BMPR1A: variants seen among roughly 807,000 people sequenced by gnomAD.
BMPR1A encodes bone morphogenetic protein receptor type 1A.
Under a neutral mutation model 66.0 loss-of-function variants are expected in BMPR1A, and 7 were observed. The ratio of observed to expected loss-of-function variants is 0.11; its 90% CI spans 0.06 to 0.20. BMPR1A has a LOEUF of 0.20. BMPR1A is among the 10% of genes least tolerant of loss of function. The pLI, the probability that BMPR1A is intolerant of heterozygous loss-of-function variation, is 1.00. For missense variants in BMPR1A, 408 were observed against 669.1 expected (o/e 0.61, Z 4.31); for synonymous variants, 200 against 229.7 (o/e 0.87, Z 1.17).
chr10:86,842,193 G>T (rs1842433442), intron 2 of BMPR1A, among the ~76,000 whole-genome samples: 1 of 152,148 alleles, frequency 6.6e-6, no homozygotes, highest in Admixed American at 6.5e-5. Flanking sequence ...CTCCAGGTGG[G>T]TAGTGTCGGA....
intron 1 of BMPR1A, among the ~76,000 whole-genome samples, chr10:86,762,590 C>T (rs1841086468): frequency 6.6e-6 from 1 of 152,194 alleles, no homozygotes; most frequent in Non-Finnish European, 1.5e-5. Flanking sequence ...AACTCCTGAC[C>T]TCAGGTGATC....
At chr10:86,846,765 G>T (rs570429496) in intron 2 of BMPR1A, among the ~76,000 whole-genome samples, 1 of 152,190 alleles carries the variant, frequency 6.6e-6, no homozygotes, top group East Asian at 1.9e-4. Flanking sequence ...GAGAAACCTA[G>T]AACTCCTGGT....
intron 2 of BMPR1A, among the ~76,000 whole-genome samples, chr10:86,870,054 A>C (rs1420892873): frequency 6.6e-6 from 1 of 152,198 alleles, no homozygotes; most frequent in African/African-American, 2.4e-5. Context: ...TGAATACCAC[A>C]TCAGTGTATG....
At chr10:86,827,971 G>T (rs771682827) in intron 1 of BMPR1A, among the ~76,000 whole-genome samples, 1 of 152,158 alleles carries the variant, frequency 6.6e-6, no homozygotes, top group African/African-American at 2.4e-5. Flanking sequence ...GGCCAATATG[G>T]TGAAACCGCA....
At chr10:86,890,702 G>A (rs1843135999) in intron 4 of BMPR1A, among the ~76,000 whole-genome samples, 1 of 151,958 alleles carries the variant, frequency 6.6e-6, no homozygotes, top group Admixed American at 6.6e-5. Context: ...CCAAAGTGCT[G>A]GGATTACTAG....
chr10:86,906,116 A>G (rs1843383045), intron 7 of BMPR1A, among the ~76,000 whole-genome samples: 1 of 152,068 alleles, frequency 6.6e-6, no homozygotes, highest in South Asian at 2.1e-4. Flanking sequence ...TCATTTTCCC[A>G]AGGTATTTTC....
intron 1 of BMPR1A, among the ~76,000 whole-genome samples, chr10:86,759,949 G>T (rs896344694): frequency 1.3e-5 from 2 of 151,430 alleles, no homozygotes; most frequent in East Asian, 3.9e-4. Flanking sequence ...TGGCTTTCAC[G>T]TAGTTCTCCC....
chr10:86,785,678 G>A (rs1047465832), intron 1 of BMPR1A, among the ~76,000 whole-genome samples: 2 of 152,144 alleles, frequency 1.3e-5, no homozygotes, highest in Admixed American at 6.6e-5. Context: ...TCATTGATCC[G>A]CTCTCCGGTG....
At chr10:86,844,663 TTTATAA>T (rs1299379559) in intron 2 of BMPR1A, among the ~76,000 whole-genome samples, 2 of 152,250 alleles carry the variant, frequency 1.3e-5, no homozygotes, top group African/African-American at 4.8e-5. Flanking sequence ...CACTAATTGT[TTTATAA>T]TTATAATTAT....
intron 2 of BMPR1A, among the ~76,000 whole-genome samples, chr10:86,853,790 G>A (rs746408356): frequency 6.6e-6 from 1 of 152,162 alleles, no homozygotes; most frequent in Non-Finnish European, 1.5e-5. Context: ...CAGAGATCAC[G>A]TGCTTCACAA....
At chr10:86,887,620 T>G (rs954147741) in intron 3 of BMPR1A, among the ~76,000 whole-genome samples, 3 of 152,216 alleles carry the variant, frequency 2.0e-5, no homozygotes, top group African/African-American at 7.2e-5. Context: ...AACTGCGACT[T>G]GAACCCTTCA....
At position 86,824,105 on chromosome 10, in the gene BMPR1A, G is replaced by GTGTGTGTGTGTT. The variant is rs150991310; in HGVS notation, c.-267-14753_-267-14752insGTGTTTGTGTGT. ...GTTGTGTGTGTGTGTGTGTGTGTGT[G>GTGTGTGTGTGTT]TGTGTGTTTCTTTCAGTCTCACTTG... On this transcript the variant is annotated intron_variant, in intron 1 of 12. Transcript: ENST00000372037. Among the ~76,000 whole-genome samples, 485 of 147,382 alleles carry GTGTGTGTGTGTT rather than the reference G, an allele frequency of 3.3e-3. 1 individual carries two copies. Among genetic ancestry groups the GTGTGTGTGTGTT allele is most frequent in the African/African-American group, 0.01 (423 of 40,558 alleles).
At chr10:86,772,763 T>TA (rs1209704195) in intron 1 of BMPR1A, among the ~76,000 whole-genome samples, 1 of 152,140 alleles carries the variant, frequency 6.6e-6, no homozygotes, top group Non-Finnish European at 1.5e-5. Flanking sequence ...TGTAGACGTC[T>TA]AAAAATCATC....
chr10:86,839,952 A>G (rs939322880), intron 2 of BMPR1A, among the ~76,000 whole-genome samples: 1 of 152,178 alleles, frequency 6.6e-6, no homozygotes, highest in Admixed American at 6.5e-5. Flanking sequence ...ATGAGCTACC[A>G]GACCCAGCCC....
At chr10:86,902,221 A>G (rs1008541197) in intron 7 of BMPR1A, among the ~76,000 whole-genome samples, 1 of 152,152 alleles carries the variant, frequency 6.6e-6, no homozygotes, top group East Asian at 1.9e-4. Context: ...GAAAAGAACC[A>G]TCTATATTTT....
chr10:86,882,789 AC>A (rs1445466553), intron 3 of BMPR1A, among the ~76,000 whole-genome samples: 2 of 151,674 alleles, frequency 1.3e-5, no homozygotes, highest in East Asian at 2.0e-4. Context: ...ACATGGAGAA[AC>A]CCCGTCTCTA....
chr10:86,758,428 TC>T, intron 1 of BMPR1A, among the ~76,000 whole-genome samples: 1 of 151,970 alleles, frequency 6.6e-6, no homozygotes, highest in East Asian at 1.9e-4. Flanking sequence ...TTCCTTTCCT[TC>T]TAATTTTCCT....
chr10:86,862,681 A>G (rs1842727818), intron 2 of BMPR1A, among the ~76,000 whole-genome samples: 2 of 152,094 alleles, frequency 1.3e-5, no homozygotes, highest in African/African-American at 4.8e-5. Context: ...TGCAGGTACA[A>G]CCAGTGGATT....
chr10:86,880,512 T>A (rs565927749), intron 3 of BMPR1A, among the ~76,000 whole-genome samples: 3 of 152,354 alleles, frequency 2.0e-5, no homozygotes, highest in South Asian at 4.1e-4. Flanking sequence ...TTTACTCTTC[T>A]AGTCACCCAG....
Sources: gnomAD v4.1 joint callset for allele counts (sites outside exome capture counted in the v4.1 genomes callset) on GRCh38, gnomAD v4.1.1 for gene constraint, MANE v1.5 for transcripts, NCBI Gene and HGNC (gene_info 2026-07-23, HGNC 2026-07-21) for gene names.